The following DOCK9 variants were observed in gnomAD, a reference collection of about 807,000 sequenced individuals.
DOCK9 encodes dedicator of cytokinesis protein 9.
DOCK9 carries 89 observed loss-of-function variants against 263.3 expected under a neutral mutation model. The observed-to-expected ratio is 0.34, with a 90% CI of 0.28 to 0.40. The LOEUF is 0.40. Among genes scored for constraint, DOCK9 ranks in the 10% least tolerant of loss-of-function variants. The probability of loss-of-function intolerance (pLI) is 1.00; values close to 1 mark genes in which losing one functional copy is unlikely to be tolerated. For missense variants in DOCK9, 2,140 were observed against 2,603.4 expected, an observed-to-expected ratio of 0.82 and a Z score of 3.87; for synonymous variants, 976 against 973.1, an observed-to-expected ratio of 1.00 and a Z score of -0.06.
intron 2 of DOCK9, among the ~76,000 whole-genome samples, chr13:98,938,837 G>A (rs1435371028): frequency 2.6e-5 from 4 of 152,118 alleles, no homozygotes; most frequent in African/African-American, 9.7e-5. Flanking sequence ...TTAATTAAAA[G>A]ACCAACAATA....
chr13:98,842,586 C>T lies in DOCK9; in HGVS notation c.4198+3338G>A, dbSNP rs182605931. On this transcript the variant is annotated intron_variant, in intron 38 of 52. Coordinates refer to ENST00000682017, the MANE Select transcript of DOCK9 (RefSeq NM_001366683.2). ...TTATTTTATATATATTTTGCAAATG[C>T]ACCACTTATTTTCAAACACATTTCA... Among the ~76,000 whole-genome samples the T allele has an allele frequency of 7.2e-5, 11 of 152,276 alleles. No individual in the cohort carries two copies. The East Asian group carries it at 1.9e-3, about 27-fold the overall frequency.
chr13:98,891,816 G>GGT (rs2046659414), intron 15 of DOCK9, among the ~76,000 whole-genome samples: 1 of 147,132 alleles, frequency 6.8e-6, no homozygotes, highest in Non-Finnish European at 1.5e-5. Context: ...TTTAAAAGTT[G>GGT]TTTTTTTTTT....
intron 49 of DOCK9, among the ~76,000 whole-genome samples, chr13:98,801,660 C>T (rs1433310625): frequency 1.3e-5 from 2 of 152,104 alleles, no homozygotes; most frequent in African/African-American, 4.8e-5. Flanking sequence ...CATATATTTA[C>T]TAATAGGCAG....
chr13:98,809,380 G>C lies in DOCK9; in HGVS notation c.5339C>G (p.Thr1780Ser). 1 of 1,613,840 alleles carries C rather than the reference G, an allele frequency of 6.2e-7. No homozygotes were observed. The highest frequency in any genetic ancestry group is 8.5e-7 in the Non-Finnish European group (1 of 1,179,874). The change falls in exon 47 of 53, where the codon ACC becomes AGC. Residue 1780 changes from threonine to serine, a missense_variant. By Grantham distance (58) the Thr-to-Ser change is moderately conservative. This residue lies in a region of DOCK9 where 619 missense variants were observed against 861.8 expected (regional missense o/e 0.72). Coordinates refer to ENST00000682017, the MANE Select transcript of DOCK9 (RefSeq NM_001366683.2). ...CCCGAAGAAGGCTACCCGGAAGTAG[G>C]TCCCCAGAAGCCTGCGGCCCGAGTG... ...VMHSGRRLLG[T>S]YFRVAFFGQG...
At chr13:99,088,105 C>A (rs928513448), upstream of DOCK9, 1 of 152,260 alleles carries the variant, frequency 6.6e-6, no homozygotes, top group Non-Finnish European at 1.5e-5. Flanking sequence ...TGAGGTATGC[C>A]GTCCGCACTC....
upstream of DOCK9, among the ~76,000 whole-genome samples, chr13:98,981,462 T>C (rs1321824913): frequency 6.6e-6 from 1 of 152,158 alleles, no homozygotes; most frequent in Non-Finnish European, 1.5e-5. Flanking sequence ...GGAAATGCAG[T>C]GACAAAATTC....
At chr13:99,024,503 A>G (rs964643746) in intron 1 of DOCK9, among the ~76,000 whole-genome samples, 1 of 152,238 alleles carries the variant, frequency 6.6e-6, no homozygotes, top group South Asian at 2.1e-4. Flanking sequence ...ATATGGAGTT[A>G]TGGCTGTTGA....
At chr13:99,015,799 G>T in intron 1 of DOCK9, 3 of 1,290,360 alleles carry the variant, frequency 2.3e-6, no homozygotes, top group Non-Finnish European at 2.9e-6. Context: ...AAAAAATCCA[G>T]ACTCCGAGTG....
At chr13:98,961,549 C>A (rs893609034) in intron 1 of DOCK9, among the ~76,000 whole-genome samples, 1 of 152,240 alleles carries the variant, frequency 6.6e-6, no homozygotes, top group African/African-American at 2.4e-5. Flanking sequence ...CCACCTCCCT[C>A]CTCCCCACAA....
intron 45 of DOCK9, among the ~76,000 whole-genome samples, chr13:98,814,834 G>A (rs1454292138): frequency 6.6e-6 from 1 of 152,082 alleles, no homozygotes; most frequent in African/African-American, 2.4e-5. Flanking sequence ...CCAGGTACTT[G>A]GGAGGCTGAG....
chr13:98,942,775 G>T (rs1172931077), intron 2 of DOCK9, among the ~76,000 whole-genome samples: 1 of 152,192 alleles, frequency 6.6e-6, no homozygotes, highest in East Asian at 1.9e-4. Flanking sequence ...AGGCTATAGG[G>T]TGTAGCCTAT....
At chr13:98,928,600 G>A (rs1055495141) in intron 3 of DOCK9, among the ~76,000 whole-genome samples, 3 of 152,148 alleles carry the variant, frequency 2.0e-5, no homozygotes, top group African/African-American at 7.2e-5. Flanking sequence ...TAAAACATAG[G>A]TCAACAAACT....
chr13:98,961,436 G>A (rs1335570910), intron 1 of DOCK9, among the ~76,000 whole-genome samples: 1 of 152,214 alleles, frequency 6.6e-6, no homozygotes, highest in Non-Finnish European at 1.5e-5. Flanking sequence ...CCCCTTGGGT[G>A]ACGGTCTACA....
At chr13:99,074,435 A>G (rs2041824380) in intron 1 of DOCK9, among the ~76,000 whole-genome samples, 1 of 152,242 alleles carries the variant, frequency 6.6e-6, no homozygotes. Flanking sequence ...GCAATAAGCA[A>G]TTTACTAGAG....
chr13:99,088,509 A>G (rs2042395497), upstream of DOCK9: 1 of 152,192 alleles, frequency 6.6e-6, no homozygotes, highest in African/African-American at 2.4e-5. Context: ...GACTCCCTCA[A>G]AAGTACCAGA....
intron 1 of DOCK9, among the ~76,000 whole-genome samples, chr13:99,083,283 CATGAAA>C (rs540185216): frequency 1.3e-5 from 2 of 152,048 alleles, no homozygotes; most frequent in South Asian, 4.2e-4. Flanking sequence ...TTCTAAGGCT[CATGAAA>C]GAGCTAACCA....
intron 47 of DOCK9, among the ~76,000 whole-genome samples, chr13:98,808,234 G>C (rs960701511): frequency 2.6e-5 from 4 of 152,168 alleles, no homozygotes; most frequent in Non-Finnish European, 4.4e-5. Flanking sequence ...ATGAACTGAA[G>C]CGTTTGGGGG....
chr13:98,919,062 G>C (rs2051391179), intron 7 of DOCK9, among the ~76,000 whole-genome samples: 1 of 152,006 alleles, frequency 6.6e-6, no homozygotes, highest in Non-Finnish European at 1.5e-5. Context: ...GATGTGAGTG[G>C]GTAAGGTGAT....
At position 98,829,769 on chromosome 13, in the gene DOCK9, C is replaced by T. The variant is rs530663378; in HGVS notation, c.4636-13G>A. 19 of 1,581,546 alleles carry T rather than the reference C, an allele frequency of 1.2e-5. No homozygotes were observed. The highest frequency in any genetic ancestry group is 9.1e-5 in the East Asian group (4 of 43,878). On this transcript the variant is annotated splice_polypyrimidine_tract_variant and intron_variant, in intron 41 of 52. Coordinates refer to ENST00000682017, the MANE Select transcript of DOCK9 (RefSeq NM_001366683.2). The surrounding 1 kb of genome is among the most constrained non-coding windows in gnomAD (Gnocchi z 4.1). ...CAGATATGATGACCTTAGGGACACA[C>T]AAACATGAGCAAATCAATTTACCTT...
Sources: gnomAD v4.1 joint callset for allele counts (sites outside exome capture counted in the v4.1 genomes callset) on GRCh38, gnomAD v4.1.1 for gene constraint, gnomAD v4.1.1 regional missense constraint, Gnocchi (gnomAD v3.1) non-coding constraint, MANE v1.5 for transcripts, NCBI Gene and HGNC (gene_info 2026-07-23, HGNC 2026-07-21) for gene names.